MTOR: variants seen among roughly 807,000 people sequenced by gnomAD.
MTOR encodes the protein serine/threonine-protein kinase mTOR.
In MTOR, 70 loss-of-function variants were observed where a neutral mutation model predicts 319.8. The ratio of observed to expected loss-of-function variants is 0.22; its 90% CI spans 0.18 to 0.27. The LOEUF (loss-of-function observed/expected upper bound fraction) is 0.27. Ranked by LOEUF, MTOR falls within the 10% of genes least tolerant of loss-of-function variation. The pLI is 1.00. For synonymous variants in MTOR, 1,183 were observed against 1,211.4 expected (o/e 0.98, Z 0.49); for missense variants, 1,890 against 3,274.4 (o/e 0.58, Z 10.32).
intron 9 of MTOR, 53 bp downstream of exon 9, chr1:11,243,061 C>T (rs1008707968): frequency 2.5e-6 from 4 of 1,600,392 alleles, no homozygotes; most frequent in Non-Finnish European, 8.5e-7. Flanking sequence ...ATAGAGCGTC[C>T]TTCCTCTCCA....
Position 11,212,604 on chromosome 1 carries a change from A to G in MTOR, c.3399-130T>C. ...CGGCTTCTAAGGTATTTTGGATGAC[A>G]TGGATCCAACATTTATTCCAATGGG... On this transcript the variant is annotated intron_variant, in intron 22 of 57. Coordinates refer to ENST00000361445, the MANE Select transcript of MTOR (RefSeq NM_004958.4). The surrounding 1 kb of genome is among the most constrained non-coding windows in gnomAD (Gnocchi z 4.1). 1 of 1,204,872 alleles carries G rather than the reference A, an allele frequency of 8.3e-7. No individual in the cohort carries two copies. The highest frequency in any genetic ancestry group is 1.2e-6 in the Non-Finnish European group (1 of 859,046). The allele number at this position is 1,204,872 out of a possible 1,614,324, so 74.6% of individuals were successfully genotyped here.
chr1:11,188,621 A>T (rs762615007), intron 28 of MTOR, among the ~76,000 whole-genome samples: 2 of 152,198 alleles, frequency 1.3e-5, no homozygotes, highest in Non-Finnish European at 2.9e-5. Flanking sequence ...CTCTGTTGTA[A>T]TCTTCTGACA....
intron 28 of MTOR, among the ~76,000 whole-genome samples, chr1:11,182,063 C>G (rs1645176755): frequency 6.6e-6 from 1 of 151,990 alleles, no homozygotes; most frequent in Admixed American, 6.6e-5. Context: ...ACTAAAAATA[C>G]AAAATTAGCA....
chr1:11,199,586 T>C lies in MTOR; in HGVS notation c.4062A>G (p.Thr1354=), dbSNP rs1331526267. The change falls in exon 27 of 58, where the codon ACA becomes ACG. Residue 1354 remains threonine (T), a synonymous_variant. Transcript: ENST00000361445. This position sits in a 1 kb window ranked among gnomAD's most constrained non-coding sequence, Gnocchi z 4.5. ...ATTCAGCCAAGTTTAAGAGGGTCTG[T>C]GTGACTTCAGCGATGTCTTGTGAGG... ...ALTSQDIAEV[T]QTLLNLAEFM... is the part of the protein sequence containing the mutation. 7 of 1,614,080 alleles carry C rather than the reference T, an allele frequency of 4.3e-6. No homozygotes were observed. Among genetic ancestry groups the C allele is most frequent in the South Asian group, 2.2e-5 (2 of 91,092 alleles).
chr1:11,260,891 A>G (rs1028096667), intron 1 of MTOR, among the ~76,000 whole-genome samples: 4 of 151,424 alleles, frequency 2.6e-5, no homozygotes, highest in African/African-American at 4.8e-5. Context: ...CCGGGTTCAA[A>G]TGATTCTCCT....
At chr1:11,108,042 T>A (rs1641662376) in intron 57 of MTOR, 139 bp downstream of exon 57, 1 of 611,926 alleles carries the variant, frequency 1.6e-6, no homozygotes, top group South Asian at 2.1e-5. Flanking sequence ...GCAGTAAATA[T>A]GAATTTTTAA....
At chr1:11,175,064 T>A (rs1644940002) in intron 28 of MTOR, among the ~76,000 whole-genome samples, 1 of 152,128 alleles carries the variant, frequency 6.6e-6, no homozygotes, top group Non-Finnish European at 1.5e-5. Flanking sequence ...GAGAACTGAG[T>A]CCCAAGAATT....
intron 28 of MTOR, among the ~76,000 whole-genome samples, chr1:11,181,835 G>A (rs1454828752): frequency 6.6e-6 from 1 of 152,214 alleles, no homozygotes; most frequent in Non-Finnish European, 1.5e-5. Flanking sequence ...TATGCTAAGT[G>A]CTAGATGCTA....
At chr1:11,168,237 T>A (rs564973803) in intron 28 of MTOR, among the ~76,000 whole-genome samples, 2 of 148,190 alleles carry the variant, frequency 1.3e-5, no homozygotes, top group East Asian at 4.0e-4. Context: ...TGAGACCGGG[T>A]CTTGCTATGT....
Position 11,256,591 on chromosome 1 carries a change from G to C in MTOR, c.504+342C>G, listed in dbSNP as rs560635398. On this transcript the variant is annotated intron_variant, in intron 4 of 57. Transcript: ENST00000361445. ...TATTTGACAGAGGAAGAAACTGAAG[G>C]TCAGAAGCTGCCCCAGGTTACAGAG... is the stretch of plus-strand genomic sequence containing the variant. Among the ~76,000 whole-genome samples, 3 of 152,284 alleles carry C rather than the reference G, an allele frequency of 2.0e-5. No individual in the cohort carries two copies. In the South Asian group the frequency reaches 6.2e-4, roughly 32 times the overall value.
chr1:11,111,119 C>A (rs1042847230), intron 54 of MTOR: 3 of 455,802 alleles, frequency 6.6e-6, no homozygotes, highest in Non-Finnish European at 1.3e-5. Flanking sequence ...AAGCCAGTAT[C>A]CCAATTTCTT....
At chr1:11,152,175 G>A (rs1301347420) in intron 30 of MTOR, among the ~76,000 whole-genome samples, 1 of 152,146 alleles carries the variant, frequency 6.6e-6, no homozygotes, top group Non-Finnish European at 1.5e-5. Context: ...ACCTCTCAAG[G>A]GCGGTTGGGT....
At position 11,248,094 on chromosome 1, in the gene MTOR, G is replaced by A. The variant is rs1451713797; in HGVS notation, c.841C>T (p.Arg281Cys). The part of the protein sequence containing the change: ...LVRISSMEGE[R>C]LREEMEEITQ... The stretch of plus-strand genomic sequence containing the variant: ...ATTTCTTCCATTTCTTCTCTCAGAC[G>A]CTATATATATGAGGAGGAAAAAAAT... Residue 281 changes from arginine to cysteine, a missense_variant and splice_region_variant, in exon 7 of 58, where the codon CGT becomes TGT. This residue lies in a region of MTOR where 418 missense variants were observed against 543.1 expected (regional missense o/e 0.77). Coordinates refer to ENST00000361445, the MANE Select transcript of MTOR (RefSeq NM_004958.4). 1.3e-6 allele frequency: 2 copies of A among 1,597,890 alleles called. No homozygotes were observed. The highest frequency in any genetic ancestry group is 1.7e-6 in the Non-Finnish European group (2 of 1,169,964).
intron 46 of MTOR, among the ~76,000 whole-genome samples, chr1:11,125,162 T>C (rs1642760171): frequency 6.6e-6 from 1 of 152,202 alleles, no homozygotes; most frequent in Admixed American, 6.5e-5. Context: ...TCCTTGCTCT[T>C]TCAGTTCTGG....
chr1:11,254,548 C>A (rs1569834603), intron 5 of MTOR, among the ~76,000 whole-genome samples: 2 of 151,992 alleles, frequency 1.3e-5, no homozygotes, highest in South Asian at 4.2e-4. Context: ...CAAGATCACA[C>A]AGCAAAGGCA....
intron 19 of MTOR, among the ~76,000 whole-genome samples, chr1:11,217,545 C>T (rs954939716): frequency 1.3e-5 from 2 of 151,374 alleles, no homozygotes; most frequent in Admixed American, 6.6e-5. Flanking sequence ...GGACTACAGG[C>T]GCCCGCCACC....
At chr1:11,119,616 C>T (rs576329724) in intron 49 of MTOR, among the ~76,000 whole-genome samples, 33 of 136,206 alleles carry the variant, frequency 2.4e-4, no homozygotes, top group Non-Finnish European at 4.6e-4. Flanking sequence ...CATGGTGGCA[C>T]GCGCCTGTAA....
Position 11,114,810 on chromosome 1 carries a change from C to T in MTOR, c.7164+3G>A, listed in dbSNP as rs1425874786. 1.2e-6 allele frequency: 2 copies of T among 1,614,088 alleles called. No individual in the cohort carries two copies. Among genetic ancestry groups the T allele is most frequent in the Non-Finnish European group, 1.7e-6 (2 of 1,179,922 alleles). The stretch of plus-strand genomic sequence containing the variant: ...AAGCAGCTCGTTCCCGATATCCACT[C>T]ACCTCCATAGCATTGGTCAACATTC... On this transcript the variant is annotated splice_donor_region_variant and intron_variant, in intron 52 of 57. Transcript: ENST00000361445.
intron 30 of MTOR, among the ~76,000 whole-genome samples, chr1:11,154,909 G>T (rs1281147360): frequency 6.6e-6 from 1 of 151,682 alleles, no homozygotes; most frequent in African/African-American, 2.4e-5. Flanking sequence ...ACTTTGGAAG[G>T]CCAAAGAGGG....
Sources: allele counts gnomAD v4.1 joint callset (sites outside exome capture counted in the v4.1 genomes callset), GRCh38; gene constraint gnomAD v4.1.1; regional missense constraint gnomAD v4.1.1; non-coding constraint Gnocchi (gnomAD v3.1); transcripts MANE v1.5; gene names NCBI Gene and HGNC (gene_info 2026-07-23, HGNC 2026-07-21).